Variants in ADGRL2 observed in about 807,000 individuals in gnomAD.
The protein encoded by ADGRL2 is adhesion G protein-coupled receptor L2.
Under a neutral mutation model 157.4 loss-of-function variants are expected in ADGRL2, and 44 were observed. That is an observed-to-expected ratio of 0.28 (90% CI 0.22 to 0.36). ADGRL2 has a LOEUF of 0.36. ADGRL2 is among the 10% of genes least tolerant of loss of function. The probability of loss-of-function intolerance (pLI) is 1.00; values close to 1 mark genes in which losing one functional copy is unlikely to be tolerated. For missense variants in ADGRL2, 1,510 were observed against 1,768.9 expected (o/e 0.85, Z 2.63); for synonymous variants, 585 against 624.7 (o/e 0.94, Z 0.95).
chr1:81,494,064 C>T (rs2078684962), intron 2 of ADGRL2, among the ~76,000 whole-genome samples: 2 of 152,192 alleles, frequency 1.3e-5, no homozygotes, highest in South Asian at 2.1e-4. Flanking sequence ...CAGTCACAAA[C>T]TTATGTCTCC....
chr1:81,915,559 A>T (rs1351671113), intron 3 of ADGRL2, among the ~76,000 whole-genome samples: 1 of 152,216 alleles, frequency 6.6e-6, no homozygotes. Flanking sequence ...TAAGGACATT[A>T]CATTAGTGGT....
intron 2 of ADGRL2, among the ~76,000 whole-genome samples, chr1:81,544,763 G>C (rs1015671257): frequency 6.6e-6 from 1 of 152,106 alleles, no homozygotes; most frequent in Non-Finnish European, 1.5e-5. Context: ...AACTTTTCAT[G>C]GTAAACAATA....
intron 11 of ADGRL2, among the ~76,000 whole-genome samples, chr1:81,957,308 G>A (rs904230737): frequency 6.6e-6 from 1 of 152,020 alleles, no homozygotes; most frequent in African/African-American, 2.4e-5. Context: ...TGTAATTATA[G>A]ATCCAAGATA....
In ADGRL2 at chr1:81,980,018, A is replaced by G. The variant is rs1661220642; in HGVS notation, c.3113+58A>G. 3.4e-6 allele frequency: 3 copies of G among 878,018 alleles called. No individual in the cohort carries two copies. In the South Asian group the frequency reaches 4.3e-5, roughly 13 times the overall value. The allele number at this position is 878,018 out of a possible 1,614,324, so 54.4% of individuals were successfully genotyped here. On this transcript the variant is annotated intron_variant, in intron 18 of 23. Transcript: ENST00000686636. Reference sequence around the variant, plus strand: ...ACAAACTAAGTAAAAGATACTCTCCACAGGGAACACAGGGATTTCTACCTT... The same window carrying G: ...ACAAACTAAGTAAAAGATACTCTCCGCAGGGAACACAGGGATTTCTACCTT...
chr1:81,423,594 A>T (rs1006681142), intron 1 of ADGRL2, among the ~76,000 whole-genome samples: 6 of 152,228 alleles, frequency 3.9e-5, no homozygotes, highest in African/African-American at 1.2e-4. Context: ...ATTATTTTAC[A>T]ATATTGTTCA....
At chr1:81,423,926 C>T (rs771829095) in intron 1 of ADGRL2, among the ~76,000 whole-genome samples, 7 of 152,194 alleles carry the variant, frequency 4.6e-5, no homozygotes, top group African/African-American at 7.2e-5. Context: ...TCACTCTCAT[C>T]CTGAAGAAAA....
chr1:81,568,123 G>T (rs377072772), intron 2 of ADGRL2, among the ~76,000 whole-genome samples: 12 of 151,924 alleles, frequency 7.9e-5, no homozygotes, highest in African/African-American at 2.7e-4. Flanking sequence ...TAAAATAGAA[G>T]GCAGATTTTC....
chr1:81,467,910 AG>A (rs1345558144), intron 2 of ADGRL2, among the ~76,000 whole-genome samples: 1 of 152,158 alleles, frequency 6.6e-6, no homozygotes, highest in Non-Finnish European at 1.5e-5. Context: ...AAAAAAAATC[AG>A]AATTGAAATT....
chr1:81,937,709 G>GT (rs1240313650), intron 4 of ADGRL2, among the ~76,000 whole-genome samples: 2 of 151,542 alleles, frequency 1.3e-5, no homozygotes, highest in African/African-American at 2.4e-5. Context: ...TGAATTATAT[G>GT]TTTTTTATCA....
At chr1:81,469,157 GC>G (rs901335143) in intron 2 of ADGRL2, among the ~76,000 whole-genome samples, 2 of 152,152 alleles carry the variant, frequency 1.3e-5, no homozygotes, top group Admixed American at 1.3e-4. Context: ...CTTGGCTTCT[GC>G]CCCACACATT....
chr1:81,537,155 G>T (rs2079759646), intron 2 of ADGRL2, among the ~76,000 whole-genome samples: 1 of 152,034 alleles, frequency 6.6e-6, no homozygotes, highest in South Asian at 2.1e-4. Context: ...TTAAAAGTTG[G>T]CATGAATATG....
intron 2 of ADGRL2, among the ~76,000 whole-genome samples, chr1:81,484,726 T>C (rs2078463326): frequency 6.6e-6 from 1 of 151,946 alleles, no homozygotes; most frequent in Non-Finnish European, 1.5e-5. Flanking sequence ...AATCATCGTC[T>C]TAGAAGGGCA....
intron 3 of ADGRL2, among the ~76,000 whole-genome samples, chr1:81,907,773 C>A (rs1366022988): frequency 6.6e-6 from 1 of 152,124 alleles, no homozygotes; most frequent in Non-Finnish European, 1.5e-5. Context: ...AGTCCATGAA[C>A]CCACATTGAC....
intron 3 of ADGRL2, among the ~76,000 whole-genome samples, chr1:81,674,005 A>G (rs1221617322): frequency 6.6e-6 from 1 of 152,194 alleles, no homozygotes; most frequent in African/African-American, 2.4e-5. Flanking sequence ...CATGTAAATA[A>G]TTTTTATAAA....
chr1:81,476,576 G>A (rs1040302226), intron 2 of ADGRL2, among the ~76,000 whole-genome samples: 1 of 151,954 alleles, frequency 6.6e-6, no homozygotes, highest in Non-Finnish European at 1.5e-5. Flanking sequence ...TTGAAACGTT[G>A]TGCCTGCTTA....
intron 3 of ADGRL2, among the ~76,000 whole-genome samples, chr1:81,624,611 A>G (rs2081871058): frequency 6.6e-6 from 1 of 152,156 alleles, no homozygotes; most frequent in African/African-American, 2.4e-5. Context: ...GAAAACAAAT[A>G]GAAGTATGAG....
At chr1:81,534,374 C>G (rs2079681638) in intron 2 of ADGRL2, among the ~76,000 whole-genome samples, 1 of 152,170 alleles carries the variant, frequency 6.6e-6, no homozygotes, top group South Asian at 2.1e-4. Context: ...GTTGGCCAGA[C>G]TGGCCTCAAA....
rs756027321 is a variant in ADGRL2, at chr1:81,459,790, A to G, written c.-248+14701A>G. ...GCTTAGTGTGTGTATGTGTGTGTGT[A>G]TATATATATATGTATGTGTTTGTAT... On this transcript the variant is annotated intron_variant, in intron 2 of 24. Coordinates refer to the ADGRL2 transcript ENST00000370721. 2.8e-3 allele frequency among the ~76,000 whole-genome samples: 44 copies of G among 15,440 alleles called. 1 individual carries two copies. Among genetic ancestry groups the G allele is most frequent in the South Asian group, 0.011 (6 of 534 alleles). The allele number at this position is 15,440 out of a possible 152,430, so 10.1% of individuals were successfully genotyped here.
At position 81,679,038 on chromosome 1, in the gene ADGRL2, A is replaced by G. The variant is rs186818047; in HGVS notation, c.-142-82773A>G. Among the ~76,000 whole-genome samples the G allele has an allele frequency of 2.3e-3, 349 of 152,358 alleles. 2 individuals are homozygous for G. Among genetic ancestry groups the G allele is most frequent in the African/African-American group, 8.0e-3 (331 of 41,594 alleles). ...AATATGAGGCATAAACATGACAAGG[A>G]GAAAACACACAGTCCCTCCTCTAAA... On this transcript the variant is annotated intron_variant, in intron 3 of 24. Transcript: ENST00000370721.
Sources: allele counts gnomAD v4.1 joint callset (sites outside exome capture counted in the v4.1 genomes callset), GRCh38; gene constraint gnomAD v4.1.1; transcripts MANE v1.5; gene names NCBI Gene and HGNC (gene_info 2026-07-23, HGNC 2026-07-21).